EIPR1: variants seen among roughly 807,000 people sequenced by gnomAD.
EIPR1 encodes the protein EARP and GARP complex-interacting protein 1.
In EIPR1, 25 loss-of-function variants were observed where a neutral mutation model predicts 48.1. That is an observed-to-expected ratio of 0.52 (90% CI 0.38 to 0.73). The LOEUF is 0.73. EIPR1 is among the 30% of genes least tolerant of loss of function. The pLI, the probability that EIPR1 is intolerant of heterozygous loss-of-function variation, is 0.00. For synonymous variants in EIPR1, 204 were observed against 201.9 expected, an observed-to-expected ratio of 1.01 and a Z score of -0.09; for missense variants, 415 against 506.2, an observed-to-expected ratio of 0.82 and a Z score of 1.73.
chr2:3,240,360 C>CCCTTCCTAAAGCAAAGCCAGCAGAT lies in EIPR1; in HGVS notation c.416+16914_416+16938dup, dbSNP rs1558244448. Among the ~76,000 whole-genome samples the CCCTTCCTAAAGCAAAGCCAGCAGAT allele has an allele frequency of 2.3e-4, 15 of 65,390 alleles. 2 individuals are homozygous for CCCTTCCTAAAGCAAAGCCAGCAGAT. The highest frequency in any genetic ancestry group is 3.3e-4 in the Non-Finnish European group (10 of 30,134). 42.9% of individuals were successfully genotyped at this position (65,390 alleles called of 152,430 possible). A position where few individuals can be genotyped will look rare whatever the true frequency, so the allele number is the denominator to read the frequency against. ...TCCTTCCTAAAGCAAAGCCAGCAGA[C>CCCTTCCTAAAGCAAAGCCAGCAGAT]CCTTCCTAAAGCAAAGCCAGCAGAT... On this transcript the variant is annotated intron_variant, in intron 4 of 8. Coordinates refer to ENST00000382125, the MANE Select transcript of EIPR1 (RefSeq NM_003310.5).
chr2:3,354,838 T>C (rs1044466474), intron 1 of EIPR1, among the ~76,000 whole-genome samples: 1 of 152,250 alleles, frequency 6.6e-6, no homozygotes, highest in East Asian at 1.9e-4. Context: ...CAAATTTGCA[T>C]ATGGAAATCA....
intron 2 of EIPR1, among the ~76,000 whole-genome samples, chr2:3,350,396 C>T (rs1318707674): frequency 6.6e-6 from 1 of 152,150 alleles, no homozygotes; most frequent in Non-Finnish European, 1.5e-5. Flanking sequence ...AATCCACGCC[C>T]ATGATCCAAT....
chr2:3,204,156 G>A (rs2103119923), intron 5 of EIPR1, among the ~76,000 whole-genome samples: 1 of 152,332 alleles, frequency 6.6e-6, no homozygotes, highest in African/African-American at 2.4e-5. Flanking sequence ...GCAGCTCAGA[G>A]GCGGGCTGTG....
intron 4 of EIPR1, among the ~76,000 whole-genome samples, chr2:3,242,678 C>G (rs1174172635): frequency 6.6e-6 from 1 of 152,210 alleles, no homozygotes; most frequent in Non-Finnish European, 1.5e-5. Context: ...TATTACTGTA[C>G]TGAAGAAGGA....
At chr2:3,368,508 C>T (rs914203576) in intron 1 of EIPR1, among the ~76,000 whole-genome samples, 3 of 152,046 alleles carry the variant, frequency 2.0e-5, no homozygotes, top group African/African-American at 7.2e-5. Context: ...CACATGCCTG[C>T]CCCCAGACCT....
At chr2:3,273,772 G>A (rs889071395) in intron 3 of EIPR1, among the ~76,000 whole-genome samples, 12 of 152,164 alleles carry the variant, frequency 7.9e-5, no homozygotes, top group African/African-American at 2.7e-4. Flanking sequence ...CCAGCCCCTT[G>A]GAGGCCCCAC....
At chr2:3,265,956 C>A (rs978752867) in intron 3 of EIPR1, among the ~76,000 whole-genome samples, 7 of 152,154 alleles carry the variant, frequency 4.6e-5, no homozygotes, top group African/African-American at 1.2e-4. Context: ...TCTTCAAAGC[C>A]AATTTGAAGC....
At chr2:3,281,789 G>T (rs1668017937) in intron 3 of EIPR1, among the ~76,000 whole-genome samples, 1 of 152,084 alleles carries the variant, frequency 6.6e-6, no homozygotes, top group South Asian at 2.1e-4. Flanking sequence ...TAAATTATTT[G>T]GATTTTCCAT....
At chr2:3,285,333 A>ACCCCCC (rs1668149040) in intron 3 of EIPR1, among the ~76,000 whole-genome samples, 2 of 38,598 alleles carry the variant, frequency 5.2e-5, no homozygotes, top group Admixed American at 2.5e-4. Flanking sequence ...CCCCACCCCC[A>ACCCCCC]CCCCCACCCC....
At chr2:3,358,112 A>G (rs1670772620) in intron 1 of EIPR1, among the ~76,000 whole-genome samples, 1 of 152,060 alleles carries the variant, frequency 6.6e-6, no homozygotes, top group Non-Finnish European at 1.5e-5. Context: ...CTCCGAATAC[A>G]CCTGACACCC....
At chr2:3,373,465 A>T (rs1256833381) in intron 1 of EIPR1, among the ~76,000 whole-genome samples, 1 of 152,058 alleles carries the variant, frequency 6.6e-6, no homozygotes, top group South Asian at 2.1e-4. Context: ...ACATGATTGT[A>T]TATCTAGAAA....
At chr2:3,288,083 G>A (rs543706946) in intron 3 of EIPR1, among the ~76,000 whole-genome samples, 10 of 152,312 alleles carry the variant, frequency 6.6e-5, no homozygotes, top group Non-Finnish European at 1.5e-4. Flanking sequence ...GCATCCTGAC[G>A]GGGTGGCATC....
chr2:3,297,227 C>T (rs184160094), intron 3 of EIPR1, among the ~76,000 whole-genome samples: 7 of 152,280 alleles, frequency 4.6e-5, no homozygotes, highest in East Asian at 1.9e-4. Flanking sequence ...CGATGGAATC[C>T]GACTACGGAA....
At chr2:3,230,490 G>A (rs1159567415) in intron 4 of EIPR1, among the ~76,000 whole-genome samples, 2 of 152,176 alleles carry the variant, frequency 1.3e-5, no homozygotes, top group African/African-American at 4.8e-5. Context: ...ATGAGGTTAG[G>A]TGTAAAATTT....
intron 5 of EIPR1, among the ~76,000 whole-genome samples, chr2:3,198,086 A>G (rs1361346298): frequency 6.6e-6 from 1 of 152,220 alleles, no homozygotes; most frequent in Non-Finnish European, 1.5e-5. Context: ...GTGAGTGCCC[A>G]CTGCATAGAC....
intron 5 of EIPR1, among the ~76,000 whole-genome samples, chr2:3,200,616 C>A (rs965621982): frequency 7.0e-6 from 1 of 142,762 alleles, no homozygotes; most frequent in Admixed American, 6.9e-5. Context: ...TGTGGGGCCT[C>A]GGGAAGCCTG....
rs536472561 is a variant in EIPR1, at chr2:3,255,261, C to A, written c.416+2038G>T. On this transcript the variant is annotated intron_variant, in intron 4 of 8. Coordinates refer to ENST00000382125, the MANE Select transcript of EIPR1 (RefSeq NM_003310.5). ...GCAGTAGCCTGATCTCAGCTCACTG[C>A]AACCTCCGCCTCCCAGATTCAAGTG... is the stretch of plus-strand genomic sequence containing the variant. Among the ~76,000 whole-genome samples, 6 of 151,810 alleles carry A rather than the reference C, an allele frequency of 4.0e-5. No individual in the cohort carries two copies. The East Asian group carries it at 9.7e-4, about 25-fold the overall frequency.
intron 1 of EIPR1, among the ~76,000 whole-genome samples, chr2:3,356,045 AG>A (rs887788375): frequency 1.3e-5 from 2 of 152,216 alleles, no homozygotes; most frequent in African/African-American, 4.8e-5. Flanking sequence ...TGAAGGAGGA[AG>A]GGCTGGGCTG....
intron 2 of EIPR1, among the ~76,000 whole-genome samples, chr2:3,338,443 G>C (rs1670134245): frequency 6.6e-6 from 1 of 152,222 alleles, no homozygotes; most frequent in African/African-American, 2.4e-5. Flanking sequence ...GTGTCCTCAA[G>C]TGGCTCTTAG....
Sources: gnomAD v4.1 joint callset for allele counts (sites outside exome capture counted in the v4.1 genomes callset) on GRCh38, gnomAD v4.1.1 for gene constraint, MANE v1.5 for transcripts, NCBI Gene and HGNC (gene_info 2026-07-23, HGNC 2026-07-21) for gene names.